The following ADAMTS19 variants were observed in gnomAD, a reference collection of about 807,000 sequenced individuals.
The protein encoded by ADAMTS19 is A disintegrin and metalloproteinase with thrombospondin motifs 19.
Under a neutral mutation model 153.3 loss-of-function variants are expected in ADAMTS19, and 93 were observed. That is an observed-to-expected ratio of 0.61 (90% confidence interval 0.51 to 0.72). The LOEUF is 0.72. ADAMTS19 is among the 30% of genes least tolerant of loss of function. The pLI is 0.00. For synonymous variants in ADAMTS19, 600 were observed against 556.6 expected, an observed-to-expected ratio of 1.08 and a Z score of -1.10; for missense variants, 1,482 against 1,552.1, an observed-to-expected ratio of 0.95 and a Z score of 0.76.
At chr5:129,478,294 A>G (rs1291016168) in intron 2 of ADAMTS19, among the ~76,000 whole-genome samples, 1 of 152,222 alleles carries the variant, frequency 6.6e-6, no homozygotes, top group East Asian at 1.9e-4. Flanking sequence ...AGAATTTAGT[A>G]TCAGTTCCTT....
At chr5:129,537,520 C>T (rs891422900) in intron 6 of ADAMTS19, among the ~76,000 whole-genome samples, 13 of 152,054 alleles carry the variant, frequency 8.5e-5, no homozygotes, top group African/African-American at 2.7e-4. Context: ...AGACTTGGAA[C>T]CAACCCAAAT....
intron 7 of ADAMTS19, among the ~76,000 whole-genome samples, chr5:129,593,467 A>G (rs942298404): frequency 6.6e-6 from 1 of 152,016 alleles, no homozygotes; most frequent in African/African-American, 2.4e-5. Flanking sequence ...AAATACCTAA[A>G]TCTCACTCCC....
At chr5:129,696,757 CT>C (rs1354436060) in intron 19 of ADAMTS19, among the ~76,000 whole-genome samples, 3 of 152,134 alleles carry the variant, frequency 2.0e-5, no homozygotes. Context: ...CAAAGACTTT[CT>C]GATTGGCTAT....
chr5:129,538,773 T>C (rs2126793486), intron 6 of ADAMTS19, among the ~76,000 whole-genome samples: 1 of 152,150 alleles, frequency 6.6e-6, no homozygotes, highest in East Asian at 1.9e-4. Flanking sequence ...TGCTTATTTT[T>C]GTATACTTTT....
rs997898563 is a variant in ADAMTS19 at position 129,473,271 on chromosome 5, G to A, written c.747+11514G>A. Among the ~76,000 whole-genome samples the A allele has an allele frequency of 2.0e-5, 3 of 151,736 alleles. No homozygotes were observed. The East Asian group carries it at 5.8e-4, about 29-fold the overall frequency. On this transcript the variant is annotated intron_variant, in intron 2 of 22. Coordinates refer to ENST00000274487, the MANE Select transcript of ADAMTS19 (RefSeq NM_133638.6). ...TCAGCTAATCAGATTAATGCATTTG[G>A]TCTTTCTCCATTATGATTGGGATTT...
chr5:129,489,444 T>C (rs974177363), intron 2 of ADAMTS19, among the ~76,000 whole-genome samples: 1 of 152,100 alleles, frequency 6.6e-6, no homozygotes, highest in South Asian at 2.1e-4. Context: ...ATGCATAAGG[T>C]TTCCTCTGGT....
intron 8 of ADAMTS19, among the ~76,000 whole-genome samples, chr5:129,613,124 T>C (rs1365941304): frequency 6.6e-6 from 1 of 152,044 alleles, no homozygotes; most frequent in Non-Finnish European, 1.5e-5. Flanking sequence ...ATTAGACAGA[T>C]CAACGAGACA....
In ADAMTS19 at chr5:129,716,573, CTTTTT is replaced by C. The variant is rs35089778; in HGVS notation, c.3312+12194_3312+12198del. On this transcript the variant is annotated intron_variant, in intron 21 of 22. Coordinates refer to ENST00000274487, the MANE Select transcript of ADAMTS19 (RefSeq NM_133638.6). The stretch of plus-strand genomic sequence containing the variant: ...CAAGACTACAGCCCACTTCCAGTTT[CTTTTT>C]TTTTTTTTTTTCCAAAACATTTCAA... Among the ~76,000 whole-genome samples the C allele has an allele frequency of 2.3e-4, 31 of 137,336 alleles. No homozygotes were observed. The Admixed American group carries it at 2.3e-3, about 10-fold the overall frequency. The allele number at this position is 137,336 out of a possible 152,430, so 90.1% of individuals were successfully genotyped here. A position where few individuals can be genotyped will look rare whatever the true frequency, so the allele number is the denominator to read the frequency against.
chr5:129,680,403 T>A (rs1373911503), intron 17 of ADAMTS19, among the ~76,000 whole-genome samples: 1 of 152,152 alleles, frequency 6.6e-6, no homozygotes, highest in Non-Finnish European at 1.5e-5. Context: ...ATTAATGGAT[T>A]TTTGTAAAGA....
In ADAMTS19 at chr5:129,701,539, C is replaced by A. The variant is rs749725000; in HGVS notation, c.3106C>A (p.Arg1036Ser). ...TGGGCCCAAGCCCGCCTCTGCCCAGCGCTGTGAGGGCCAGGACTGCATGAC... is the reference window on the plus strand; with the variant it reads ...TGGGCCCAAGCCCGCCTCTGCCCAGAGCTGTGAGGGCCAGGACTGCATGAC... ...CIGPKPASAQRCEGQDCMTVW... is the reference protein window; with the variant it reads ...CIGPKPASAQSCEGQDCMTVW... The change falls in exon 20 of 23, where the codon CGC (arginine) becomes AGC (serine). Residue 1036 changes from arginine to serine, a missense_variant. Physicochemically the swap from Arg to Ser is moderately radical, Grantham distance 110. This residue lies in a region of ADAMTS19 where 616 missense variants were observed against 724.4 expected (regional missense o/e 0.85). Coordinates refer to ENST00000274487, the MANE Select transcript of ADAMTS19 (RefSeq NM_133638.6). The A allele has an allele frequency of 6.2e-7, 1 of 1,614,064 alleles. No individual in the cohort carries two copies. Among genetic ancestry groups the A allele is most frequent in the African/African-American group, 1.3e-5 (1 of 74,944 alleles).
At chr5:129,618,299 C>T (rs1025912978) in intron 8 of ADAMTS19, among the ~76,000 whole-genome samples, 14 of 151,908 alleles carry the variant, frequency 9.2e-5, no homozygotes, top group Non-Finnish European at 1.6e-4. Context: ...TTGCTACAGA[C>T]TCTATTTGAA....
intron 3 of ADAMTS19, among the ~76,000 whole-genome samples, chr5:129,523,215 T>C (rs575394479): frequency 6.6e-6 from 1 of 152,244 alleles, no homozygotes; most frequent in South Asian, 2.1e-4. Context: ...GTACCTGGTA[T>C]AAGACTCAAG....
rs1752102893 is a variant in ADAMTS19, at chr5:129,528,786, G to A, written c.1328+109G>A. ...TTTTATTTCAGATTTCGTGTTTCAA[G>A]AGTGATTTTGGCATAATGATGTTAG... On this transcript the variant is annotated intron_variant, in intron 6 of 22. Coordinates refer to ENST00000274487, the MANE Select transcript of ADAMTS19 (RefSeq NM_133638.6). The A allele has an allele frequency of 1.1e-5, 10 of 904,718 alleles. No individual in the cohort carries two copies. The South Asian group carries it at 2.3e-4, about 21-fold the overall frequency. The allele number at this position is 904,718 out of a possible 1,614,324, so 56.0% of individuals were successfully genotyped here.
In ADAMTS19 at chr5:129,602,704, T is replaced by C. The variant is rs114009314; in HGVS notation, c.1478+6040T>C. 7.0e-3 allele frequency among the ~76,000 whole-genome samples: 1,071 copies of C among 152,312 alleles called. 13 individuals are homozygous for C. Among genetic ancestry groups the C allele is most frequent in the African/African-American group, 0.024 (1,015 of 41,570 alleles). On this transcript the variant is annotated intron_variant, in intron 8 of 22. Transcript: ENST00000274487. Reference sequence around the variant, plus strand: ...CTTGATTTTTAATGTTTATAACTTGTAGATTTTTTTAATTGTCAAATTTCA... The same window carrying C: ...CTTGATTTTTAATGTTTATAACTTGCAGATTTTTTTAATTGTCAAATTTCA...
intron 6 of ADAMTS19, among the ~76,000 whole-genome samples, chr5:129,533,542 C>G (rs964672074): frequency 3.3e-5 from 5 of 152,092 alleles, no homozygotes; most frequent in African/African-American, 1.2e-4. Context: ...TTCAAAAACC[C>G]AGCTCCTGGA....
At chr5:129,718,820 CTA>C (rs1026613840) in intron 21 of ADAMTS19, among the ~76,000 whole-genome samples, 42 of 152,256 alleles carry the variant, frequency 2.8e-4, no homozygotes, top group African/African-American at 9.4e-4. Context: ...ATAAGATTGT[CTA>C]TTATATTGGT....
At chr5:129,502,553 T>C (rs559529266) in intron 2 of ADAMTS19, among the ~76,000 whole-genome samples, 138 of 152,348 alleles carry the variant, frequency 9.1e-4, no homozygotes, top group Non-Finnish European at 1.6e-3. Flanking sequence ...TGATTCTCTT[T>C]GGAGCCCTTT....
intron 15 of ADAMTS19, among the ~76,000 whole-genome samples, chr5:129,659,641 G>A (rs1438806187): frequency 6.6e-6 from 1 of 152,116 alleles, no homozygotes; most frequent in African/African-American, 2.4e-5. Flanking sequence ...TTGGAGTGCA[G>A]TGGTGCATGG....
At chr5:129,566,620 T>C (rs977096365) in intron 7 of ADAMTS19, among the ~76,000 whole-genome samples, 1 of 152,166 alleles carries the variant, frequency 6.6e-6, no homozygotes, top group Non-Finnish European at 1.5e-5. Flanking sequence ...TTAGGGCCTG[T>C]AGAGATAAAA....
Sources: gnomAD v4.1 joint callset for allele counts (sites outside exome capture counted in the v4.1 genomes callset) on GRCh38, gnomAD v4.1.1 for gene constraint, gnomAD v4.1.1 regional missense constraint, MANE v1.5 for transcripts, NCBI Gene and HGNC (gene_info 2026-07-23, HGNC 2026-07-21) for gene names.